CENPP: variants seen among roughly 807,000 people sequenced by gnomAD.
CENPP encodes centromere protein P.
A neutral mutation model predicts 35.6 loss-of-function variants in CENPP; 24 were observed. That is an observed-to-expected ratio of 0.67 (90% CI 0.49 to 0.95). CENPP has a LOEUF of 0.95. CENPP is among the 40% of genes least tolerant of loss of function. CENPP has a pLI of 0.00. For missense variants in CENPP, 332 were observed against 345.3 expected, an observed-to-expected ratio of 0.96 and a Z score of 0.31; for synonymous variants, 120 against 125.5, an observed-to-expected ratio of 0.96 and a Z score of 0.29.
chr9:92,593,452 A>G lies in CENPP; in HGVS notation c.565-17862A>G, dbSNP rs1850709447. ...AAAGCAAAGCCGTTTTAGGACAGCA[A>G]AGGATTTTCTTTCCTTCTGCCCTCA... On this transcript the variant is annotated intron_variant, in intron 5 of 7. Coordinates refer to ENST00000375587, the MANE Select transcript of CENPP (RefSeq NM_001012267.3). The surrounding 1 kb of genome is among the most constrained non-coding windows in gnomAD (Gnocchi z 4.1). Among the ~76,000 whole-genome samples, 1 of 152,226 alleles carries G rather than the reference A, an allele frequency of 6.6e-6. No homozygotes were observed. Among genetic ancestry groups the G allele is most frequent in the Admixed American group, 6.5e-5 (1 of 15,284 alleles).
intron 5 of CENPP, among the ~76,000 whole-genome samples, chr9:92,396,379 C>CA (rs369199427): frequency 0.029 from 4,172 of 144,852 alleles, 76 homozygotes; most frequent in African/African-American, 0.043. Flanking sequence ...GTTAATTAAA[C>CA]AAAAAAAAAA....
At chr9:92,401,296 G>C in intron 5 of CENPP, 1 of 588,278 alleles carries the variant, frequency 1.7e-6, no homozygotes, top group South Asian at 2.3e-5. Context: ...CATTTCCTTT[G>C]TGCTCCATTA....
intron 5 of CENPP, among the ~76,000 whole-genome samples, chr9:92,557,693 A>G (rs1010889197): frequency 2.6e-5 from 4 of 152,128 alleles, no homozygotes; most frequent in African/African-American, 9.7e-5. Context: ...GCCAGTCTGC[A>G]GTGCAGTGGC....
intron 5 of CENPP, among the ~76,000 whole-genome samples, chr9:92,532,121 G>C (rs542857926): frequency 1.1e-4 from 16 of 142,304 alleles, no homozygotes; most frequent in African/African-American, 4.4e-4. Flanking sequence ...TCAACCTTTC[G>C]AGTAGCTGGG....
intron 5 of CENPP, among the ~76,000 whole-genome samples, chr9:92,552,226 T>C (rs1849632927): frequency 1.3e-5 from 2 of 148,156 alleles, no homozygotes; most frequent in Admixed American, 1.3e-4. Flanking sequence ...CCCCACAGTT[T>C]CTTTATCCAC....
intron 5 of CENPP, among the ~76,000 whole-genome samples, chr9:92,573,553 C>G (rs1294013504): frequency 2.6e-5 from 4 of 152,188 alleles, no homozygotes; most frequent in Non-Finnish European, 5.9e-5. Context: ...GGTCAGGGAC[C>G]CACTTGAGAA....
At chr9:92,501,118 T>C in intron 5 of CENPP, 2 of 1,512,392 alleles carry the variant, frequency 1.3e-6, no homozygotes, top group Admixed American at 3.7e-5. Flanking sequence ...CTCTAAATTT[T>C]GATAAGGCCA....
At chr9:92,470,917 CA>C (rs200442197) in intron 5 of CENPP, 69 of 582,536 alleles carry the variant, frequency 1.2e-4, no homozygotes, top group Middle Eastern at 4.3e-4. Context: ...TAACAGATGA[CA>C]AAAAAAACAT....
chr9:92,332,388 GC>G, intron 2 of CENPP, 37 bp downstream of exon 2: 2 of 1,374,844 alleles, frequency 1.5e-6, no homozygotes, highest in Middle Eastern at 1.9e-4. Flanking sequence ...TAGTATGGAA[GC>G]TTACCTTATT....
rs1176766190 is a variant in CENPP at position 92,567,403 on chromosome 9, T to TAGATAGATAGATAGATAGATAG, written c.565-43910_565-43909insGATAGATAGATAGATAGATAGA. 1.8e-4 allele frequency among the ~76,000 whole-genome samples: 25 copies of TAGATAGATAGATAGATAGATAG among 138,668 alleles called. No individual in the cohort carries two copies. The East Asian group carries it at 5.2e-3, about 29-fold the overall frequency. 91.0% of individuals were successfully genotyped at this position (138,668 alleles called of 152,430 possible). A position where few individuals can be genotyped will look rare whatever the true frequency, so the allele number is the denominator to read the frequency against. ...ATATATATATATATATATAGATATA[T>TAGATAGATAGATAGATAGATAG]ATATAAAGTGGTTAGTGATTAGATT... On this transcript the variant is annotated intron_variant, in intron 5 of 7. Transcript: ENST00000375587.
intron 5 of CENPP, among the ~76,000 whole-genome samples, chr9:92,596,690 T>C (rs930978911): frequency 6.6e-6 from 1 of 151,852 alleles, no homozygotes; most frequent in African/African-American, 2.4e-5. Context: ...AAGGCTCTCC[T>C]ACACCCCGAC....
At chr9:92,433,022 G>A (rs938818854) in intron 5 of CENPP, among the ~76,000 whole-genome samples, 2 of 152,100 alleles carry the variant, frequency 1.3e-5, no homozygotes, top group African/African-American at 2.4e-5. Flanking sequence ...AAAACATACC[G>A]TGAGATACCA....
intron 5 of CENPP, among the ~76,000 whole-genome samples, chr9:92,472,345 AGACTCT>A (rs1345771638): frequency 6.6e-6 from 1 of 150,638 alleles, no homozygotes; most frequent in South Asian, 2.1e-4. Flanking sequence ...TGACAGAGTG[AGACTCT>A]GTCTCAAAAA....
chr9:92,343,882 GA>G lies in CENPP; in HGVS notation c.379-1816del, dbSNP rs538539630. ...GGAGGCTGAGACAGGAGGATTGCTT[GA>G]GCCCACAAATTCAAGGTCACAAAGA... On this transcript the variant is annotated intron_variant, in intron 3 of 7. Transcript: ENST00000375587. Among the ~76,000 whole-genome samples, 32 of 147,406 alleles carry G rather than the reference GA, an allele frequency of 2.2e-4. No individual in the cohort carries two copies. In the South Asian group the frequency reaches 6.8e-3, roughly 31 times the overall value.
chr9:92,608,137 A>C (rs1851133293), intron 5 of CENPP, among the ~76,000 whole-genome samples: 1 of 152,228 alleles, frequency 6.6e-6, no homozygotes, highest in Non-Finnish European at 1.5e-5. Flanking sequence ...TATCCATGGA[A>C]GCACAGGCAT....
intron 5 of CENPP, chr9:92,470,850 A>C (rs1041038743): frequency 9.9e-5 from 94 of 950,840 alleles, no homozygotes; most frequent in Non-Finnish European, 1.4e-4. Context: ...ATATGGTAGA[A>C]ATATACATTT....
intron 4 of CENPP, among the ~76,000 whole-genome samples, chr9:92,362,677 A>G (rs1217901087): frequency 1.3e-5 from 2 of 152,142 alleles, no homozygotes; most frequent in Non-Finnish European, 2.9e-5. Flanking sequence ...CTCTTTATTA[A>G]TATTTCTTCC....
chr9:92,592,469 A>G (rs536818392), intron 5 of CENPP, among the ~76,000 whole-genome samples: 2 of 152,152 alleles, frequency 1.3e-5, no homozygotes, highest in East Asian at 3.9e-4. Flanking sequence ...TTTTGATCAC[A>G]CTGTAATTTT....
In CENPP at chr9:92,615,883, C is replaced by T. The variant is rs373920364; in HGVS notation, c.*2734C>T. On this transcript the variant is annotated 3_prime_UTR_variant, in exon 8 of 8. Coordinates refer to ENST00000375587, the MANE Select transcript of CENPP (RefSeq NM_001012267.3). ...AATCTTCGCTTTCCTTGAACCGAGT[C>T]GACATCACGGCGTTGTCTTTGGCAC... is the stretch of plus-strand genomic sequence containing the variant. 3.7e-6 allele frequency: 6 copies of T among 1,614,034 alleles called. No individual in the cohort carries two copies. The highest frequency in any genetic ancestry group is 2.7e-5 in the African/African-American group (2 of 74,912).
Sources: gnomAD v4.1 joint callset for allele counts (sites outside exome capture counted in the v4.1 genomes callset) on GRCh38, gnomAD v4.1.1 for gene constraint, Gnocchi (gnomAD v3.1) non-coding constraint, MANE v1.5 for transcripts, NCBI Gene and HGNC (gene_info 2026-07-23, HGNC 2026-07-21) for gene names.